Variants in SMARCA4 observed in about 807,000 individuals in gnomAD.
SMARCA4 encodes SWI/SNF-related matrix-associated actin-dependent regulator of chromatin subfamily A member 4.
Under a neutral mutation model 193.9 loss-of-function variants are expected in SMARCA4, and 31 were observed. The observed-to-expected ratio is 0.16, with a 90% CI of 0.12 to 0.22. The LOEUF (loss-of-function observed/expected upper bound fraction) is 0.22, where lower values mean the gene tolerates loss of function less well. SMARCA4 is among the 10% of genes least tolerant of loss of function. The pLI, the probability that SMARCA4 is intolerant of heterozygous loss-of-function variation, is 1.00. For missense variants in SMARCA4, 1,148 were observed against 2,296.0 expected (o/e 0.50, Z 10.22); for synonymous variants, 942 against 933.1 (o/e 1.01, Z -0.17).
At chr19:11,022,900 A>G (rs1162818751) in intron 19 of SMARCA4, among the ~76,000 whole-genome samples, 1 of 152,238 alleles carries the variant, frequency 6.6e-6, no homozygotes, top group African/African-American at 2.4e-5. Context: ...GCCGAGCAAA[A>G]GCTCTGCCAA....
intron 29 of SMARCA4, among the ~76,000 whole-genome samples, chr19:11,038,306 G>C (rs776270805): frequency 2.8e-4 from 42 of 152,194 alleles, no homozygotes; most frequent in Non-Finnish European, 5.3e-4. Context: ...TGTCTTTTAA[G>C]AACAATTTTT....
intron 30 of SMARCA4, among the ~76,000 whole-genome samples, chr19:11,044,346 A>G (rs2075782343): frequency 6.6e-6 from 1 of 152,228 alleles, no homozygotes; most frequent in Non-Finnish European, 1.5e-5. Context: ...CACTAATCAC[A>G]AACAATTGAG....
At chr19:11,007,511 A>C (rs2088347851) in intron 13 of SMARCA4, among the ~76,000 whole-genome samples, 1 of 148,596 alleles carries the variant, frequency 6.7e-6, no homozygotes, top group African/African-American at 2.5e-5. Flanking sequence ...GGCTGAGGCG[A>C]GAGGATTGCT....
At chr19:10,964,284 G>A (rs970777612) in intron 1 of SMARCA4, among the ~76,000 whole-genome samples, 1 of 152,056 alleles carries the variant, frequency 6.6e-6, no homozygotes, top group African/African-American at 2.4e-5. Flanking sequence ...AGGGTTTTGG[G>A]CAGATGTCTG....
intron 13 of SMARCA4, among the ~76,000 whole-genome samples, chr19:11,006,924 A>G (rs2088268583): frequency 6.6e-6 from 1 of 151,916 alleles, no homozygotes; most frequent in Non-Finnish European, 1.5e-5. Flanking sequence ...GTCTCTACCA[A>G]AAATGCAAAA....
In SMARCA4 at chr19:11,060,037, C is replaced by G. The variant is rs1161200824; in HGVS notation, c.4769-8C>G. 1 of 1,572,504 alleles carries G rather than the reference C, an allele frequency of 6.4e-7. No individual in the cohort carries two copies. Among genetic ancestry groups the G allele is most frequent in the Non-Finnish European group, 8.6e-7 (1 of 1,159,288 alleles). On this transcript the variant is annotated splice_region_variant and splice_polypyrimidine_tract_variant and intron_variant, in intron 33 of 34. Coordinates refer to ENST00000344626, the MANE Select transcript of SMARCA4 (RefSeq NM_003072.5). ...TCAAGGCTGTCTTTCCCTCCCGGTC[C>G]CCTCCAGCTCGGTCCGTCAAAGTGA...
chr19:11,021,847 G>A lies in SMARCA4; in HGVS notation c.2739G>A (p.Pro913=), dbSNP rs183695281. Residue 913 remains proline (P), a synonymous_variant, in exon 19 of 35, where the codon CCG becomes CCA. Transcript: ENST00000344626. ...GCCGCCTGCTGCTGACGGGCACACC[G>A]CTGCAGAACAAGCTTCCCGAGCTCT... The part of the protein sequence containing the change: ...APRRLLLTGT[P]LQNKLPELWA... The A allele has an allele frequency of 5.9e-5, 95 of 1,613,730 alleles. No homozygotes were observed. The East Asian group carries it at 1.2e-3, about 20-fold the overall frequency.
rs927543047 is a variant in SMARCA4 at position 11,033,287 on chromosome 19, C to T, written c.3547-3C>T. ...TGGGACTGACTGGCACCTCTTCCCCCAGGACCTGCAAGCGCAGGACCGAGC... is the reference window on the plus strand; with the variant it reads ...TGGGACTGACTGGCACCTCTTCCCCTAGGACCTGCAAGCGCAGGACCGAGC... On this transcript the variant is annotated splice_region_variant and splice_polypyrimidine_tract_variant and intron_variant, in intron 25 of 34. Coordinates refer to ENST00000344626, the MANE Select transcript of SMARCA4 (RefSeq NM_003072.5). This position sits in a 1 kb window ranked among gnomAD's most constrained non-coding sequence, Gnocchi z 9.8. 6.2e-7 allele frequency: 1 copy of T among 1,611,544 alleles called. No homozygotes were observed. The highest frequency in any genetic ancestry group is 1.3e-5 in the African/African-American group (1 of 75,024).
At chr19:10,999,486 G>A (rs765871097) in intron 11 of SMARCA4, among the ~76,000 whole-genome samples, 6 of 152,026 alleles carry the variant, frequency 3.9e-5, no homozygotes, top group Non-Finnish European at 5.9e-5. Context: ...GCAAAACCTT[G>A]TCTTTATAAA....
In SMARCA4 at chr19:11,058,746, G is replaced by A. The variant is rs2147095172; in HGVS notation, c.4534-42G>A. 3 of 1,545,844 alleles carry A rather than the reference G, an allele frequency of 1.9e-6. No individual in the cohort carries two copies. Among genetic ancestry groups the A allele is most frequent in the East Asian group, 2.2e-5 (1 of 44,552 alleles). On this transcript the variant is annotated intron_variant, in intron 31 of 34. Transcript: ENST00000344626. The surrounding 1 kb of genome is among the most constrained non-coding windows in gnomAD (Gnocchi z 5.8). ...ACAGCCAGGCCTGCGGGCAGGCGAG[G>A]CGGGGTCCTGAGGTAAGACCTGCTC... is the stretch of plus-strand genomic sequence containing the variant.
rs568230773 is a variant in SMARCA4, at chr19:10,986,086, G to A, written c.356-103G>A. ...TTGACTCAAGAGAAGGATGCCATTT[G>A]GCTGTGCCCTGTCTCAGAGTAGGAG... On this transcript the variant is annotated intron_variant, in intron 3 of 34. Transcript: ENST00000344626. This position sits in a 1 kb window ranked among gnomAD's most constrained non-coding sequence, Gnocchi z 6.7. The A allele has an allele frequency of 7.0e-6, 7 of 993,420 alleles. No homozygotes were observed. The highest frequency in any genetic ancestry group is 6.3e-5 in the African/African-American group (4 of 63,458). The allele number at this position is 993,420 out of a possible 1,614,324, so 61.5% of individuals were successfully genotyped here. A position where few individuals can be genotyped will look rare whatever the true frequency, so the allele number is the denominator to read the frequency against.
chr19:11,047,659 C>G (rs2076023448), intron 30 of SMARCA4: 1 of 152,306 alleles, frequency 6.6e-6, no homozygotes, highest in Non-Finnish European at 1.5e-5. Context: ...ATCCGCCCGC[C>G]TCAGCCTCCC....
intron 30 of SMARCA4, among the ~76,000 whole-genome samples, chr19:11,057,526 C>G (rs183323810): frequency 1.3e-4 from 20 of 152,202 alleles, no homozygotes; most frequent in Non-Finnish European, 2.6e-4. Context: ...GTCAAGAGAT[C>G]GAGACCATCC....
chr19:10,978,308 T>G (rs1271366233), intron 1 of SMARCA4, among the ~76,000 whole-genome samples: 1 of 152,144 alleles, frequency 6.6e-6, no homozygotes, highest in Non-Finnish European at 1.5e-5. Context: ...GAACTGGCCT[T>G]CATTAGAATT....
chr19:10,965,073 C>T (rs115126258), intron 1 of SMARCA4, among the ~76,000 whole-genome samples: 6,719 of 152,302 alleles, frequency 0.044, 193 homozygotes, highest in African/African-American at 0.073. Flanking sequence ...AGGACCCATT[C>T]ATGGTGCCTG....
intron 14 of SMARCA4, among the ~76,000 whole-genome samples, chr19:11,008,973 C>CA (rs558392151): frequency 0.13 from 6,548 of 49,920 alleles, 227 homozygotes; most frequent in South Asian, 0.17. Flanking sequence ...GACTCCATCT[C>CA]AAAAAAAAAA....
At position 11,052,805 on chromosome 19, in the gene SMARCA4, G is replaced by A. The variant is rs139483303; in HGVS notation, c.4425-5450G>A. Among the ~76,000 whole-genome samples the A allele has an allele frequency of 2.1e-4, 32 of 152,318 alleles. No individual in the cohort carries two copies. In the East Asian group the frequency reaches 4.4e-3, roughly 21 times the overall value. On this transcript the variant is annotated intron_variant, in intron 30 of 34. Transcript: ENST00000344626. ...AGGACCGACTGCACCTGCCTGCGGC[G>A]TAGGGGAGCTGGGGCTGGCCTTTCC...
intron 1 of SMARCA4, among the ~76,000 whole-genome samples, chr19:10,983,031 T>C (rs1009865426): frequency 1.3e-5 from 2 of 152,208 alleles, no homozygotes; most frequent in African/African-American, 4.8e-5. Flanking sequence ...ATTTGTGTTT[T>C]AAAGACTATT....
At chr19:10,963,332 C>G (rs986735893) in intron 1 of SMARCA4, among the ~76,000 whole-genome samples, 2 of 148,780 alleles carry the variant, frequency 1.3e-5, no homozygotes, top group Non-Finnish European at 3.0e-5. Flanking sequence ...ATTCTTGTGC[C>G]CCTGCATTCC....
Sources: allele counts gnomAD v4.1 joint callset (sites outside exome capture counted in the v4.1 genomes callset), GRCh38; gene constraint gnomAD v4.1.1; non-coding constraint Gnocchi (gnomAD v3.1); transcripts MANE v1.5; gene names NCBI Gene and HGNC (gene_info 2026-07-23, HGNC 2026-07-21).